PARD3B: variants seen among roughly 807,000 people sequenced by gnomAD.
PARD3B encodes the protein par-3 family cell polarity regulator beta.
Under a neutral mutation model 130.2 loss-of-function variants are expected in PARD3B, and 103 were observed. That is an observed-to-expected ratio of 0.79 (90% CI 0.67 to 0.93). PARD3B has a LOEUF of 0.93. PARD3B is among the 40% of genes least tolerant of loss of function. The pLI is 0.00. For missense variants in PARD3B, 1,609 were observed against 1,499.2 expected (o/e 1.07, Z -1.21); for synonymous variants, 583 against 553.2 (o/e 1.05, Z -0.76).
intron 2 of PARD3B, among the ~76,000 whole-genome samples, chr2:204,862,244 T>G (rs532643112): frequency 6.6e-6 from 1 of 152,322 alleles, no homozygotes; most frequent in East Asian, 1.9e-4. Context: ...TGGAAACCTC[T>G]GGGTCACACA....
chr2:204,988,679 G>A (rs981943144), intron 3 of PARD3B, among the ~76,000 whole-genome samples: 5 of 152,084 alleles, frequency 3.3e-5, no homozygotes, highest in African/African-American at 1.2e-4. Context: ...AAGTATGCAT[G>A]ACAGAAAAAG....
intron 19 of PARD3B, among the ~76,000 whole-genome samples, chr2:205,424,782 G>A (rs185528447): frequency 5.3e-5 from 8 of 152,196 alleles, no homozygotes; most frequent in East Asian, 1.9e-4. Flanking sequence ...GATAAGCACC[G>A]AGGGCCTGTC....
intron 15 of PARD3B, among the ~76,000 whole-genome samples, chr2:205,236,468 AG>A (rs1486102955): frequency 6.6e-6 from 1 of 152,150 alleles, no homozygotes; most frequent in Non-Finnish European, 1.5e-5. Context: ...GTGAAGACAC[AG>A]GGAGAAGACA....
At chr2:204,884,172 C>A (rs1371983440) in intron 2 of PARD3B, among the ~76,000 whole-genome samples, 1 of 152,060 alleles carries the variant, frequency 6.6e-6, no homozygotes, top group African/African-American at 2.4e-5. Flanking sequence ...ACCTAGAAAA[C>A]CATTGTAAAT....
chr2:205,440,343 C>T lies in PARD3B; in HGVS notation c.2742-27C>T, dbSNP rs2047668117. The T allele has an allele frequency of 6.2e-7, 1 of 1,600,922 alleles. No homozygotes were observed. Among genetic ancestry groups the T allele is most frequent in the Non-Finnish European group, 8.5e-7 (1 of 1,169,680 alleles). ...ATTATTATATGAAACTCACATACAT[C>T]TTTGCTACCTGTACTGTATTTTTCA... On this transcript the variant is annotated intron_variant, in intron 19 of 22. Coordinates refer to ENST00000406610, the MANE Select transcript of PARD3B (RefSeq NM_001302769.2). This position sits in a 1 kb window ranked among gnomAD's most constrained non-coding sequence, Gnocchi z 4.2.
At chr2:205,540,643 A>G (rs573964181) in intron 21 of PARD3B, among the ~76,000 whole-genome samples, 1 of 152,218 alleles carries the variant, frequency 6.6e-6, no homozygotes, top group African/African-American at 2.4e-5. Flanking sequence ...AAAGGTGTGT[A>G]GAAGCCACGG....
chr2:204,971,448 A>C (rs534128780), intron 3 of PARD3B, among the ~76,000 whole-genome samples: 1 of 152,350 alleles, frequency 6.6e-6, no homozygotes, highest in East Asian at 1.9e-4. Context: ...GTAGGCTGTG[A>C]AACCCAGAGT....
At chr2:205,522,343 TTTATATGATC>T (rs1435876324) in intron 21 of PARD3B, among the ~76,000 whole-genome samples, 1 of 150,672 alleles carries the variant, frequency 6.6e-6, no homozygotes, top group Admixed American at 6.6e-5. Context: ...TCAAGAATGA[TTTATATGATC>T]TTTAAATCAA....
chr2:205,291,084 A>T lies in PARD3B; in HGVS notation c.2186-9446A>T, dbSNP rs2041590726. On this transcript the variant is annotated intron_variant, in intron 16 of 22. Transcript: ENST00000406610. The surrounding 1 kb of genome is among the most constrained non-coding windows in gnomAD (Gnocchi z 4.6). The stretch of plus-strand genomic sequence containing the variant: ...TACCAAGAAGTAAAATGACACTATA[A>T]CAAATACCTAAAAATATGGAAACAG... Among the ~76,000 whole-genome samples, 1 of 152,240 alleles carries T rather than the reference A, an allele frequency of 6.6e-6. No individual in the cohort carries two copies. Among genetic ancestry groups the T allele is most frequent in the African/African-American group, 2.4e-5 (1 of 41,458 alleles).
intron 2 of PARD3B, among the ~76,000 whole-genome samples, chr2:204,729,992 C>CAA (rs1433932429): frequency 3.4e-5 from 4 of 117,258 alleles, no homozygotes; most frequent in South Asian, 5.8e-4. Flanking sequence ...GATACACACA[C>CAA]ACACAAACAC....
chr2:204,725,146 T>C (rs1209757831), intron 2 of PARD3B, among the ~76,000 whole-genome samples: 1 of 152,234 alleles, frequency 6.6e-6, no homozygotes, highest in Non-Finnish European at 1.5e-5. Context: ...TTTTCCTCTT[T>C]TGTTTGAATT....
intron 8 of PARD3B, among the ~76,000 whole-genome samples, chr2:205,123,443 A>G (rs897985426): frequency 1.3e-5 from 2 of 152,124 alleles, no homozygotes; most frequent in Non-Finnish European, 2.9e-5. Context: ...ATAGAGATTT[A>G]GGTCTCTTTC....
chr2:204,638,266 A>G (rs2034954970), intron 1 of PARD3B, among the ~76,000 whole-genome samples: 1 of 152,212 alleles, frequency 6.6e-6, no homozygotes, highest in South Asian at 2.1e-4. Flanking sequence ...AGAAGTTTAC[A>G]ATTCCCCAGA....
chr2:205,447,856 A>C (rs2047960950), intron 20 of PARD3B, among the ~76,000 whole-genome samples: 1 of 152,166 alleles, frequency 6.6e-6, no homozygotes, highest in South Asian at 2.1e-4. Flanking sequence ...TTGATGTAGA[A>C]ATGCCCACTT....
intron 2 of PARD3B, among the ~76,000 whole-genome samples, chr2:204,721,368 G>A (rs1350258826): frequency 6.6e-6 from 1 of 152,092 alleles, no homozygotes; most frequent in Non-Finnish European, 1.5e-5. Flanking sequence ...TCTAGGAGGT[G>A]ACTCAGGCTA....
chr2:205,401,754 G>A (rs116510722), intron 19 of PARD3B, among the ~76,000 whole-genome samples: 151 of 152,224 alleles, frequency 9.9e-4, no homozygotes, highest in African/African-American at 3.4e-3. Flanking sequence ...GGCACTTATC[G>A]CAAGTGGATG....
At chr2:205,503,092 T>C (rs1048575356) in intron 21 of PARD3B, among the ~76,000 whole-genome samples, 5 of 148,384 alleles carry the variant, frequency 3.4e-5, no homozygotes, top group Admixed American at 6.7e-5. Context: ...TCCTCTCCCC[T>C]GACTCCTATT....
chr2:205,578,590 A>G (rs924660905), intron 22 of PARD3B, among the ~76,000 whole-genome samples: 3 of 152,262 alleles, frequency 2.0e-5, no homozygotes, highest in Non-Finnish European at 4.4e-5. Flanking sequence ...CAGAATCATA[A>G]GAATGAATGA....
chr2:205,597,007 A>G (rs2054595514), intron 22 of PARD3B, among the ~76,000 whole-genome samples: 1 of 151,888 alleles, frequency 6.6e-6, no homozygotes, highest in Non-Finnish European at 1.5e-5. Flanking sequence ...TGACTACCTT[A>G]TCCCAATTAA....
Sources: gnomAD v4.1 joint callset for allele counts (sites outside exome capture counted in the v4.1 genomes callset) on GRCh38, gnomAD v4.1.1 for gene constraint, Gnocchi (gnomAD v3.1) non-coding constraint, MANE v1.5 for transcripts, NCBI Gene and HGNC (gene_info 2026-07-23, HGNC 2026-07-21) for gene names.